Variants in AFG1L observed in about 807,000 individuals in gnomAD.
The protein encoded by AFG1L is AFG1-like ATPase.
A neutral mutation model predicts 62.2 loss-of-function variants in AFG1L; 53 were observed. That is an observed-to-expected ratio of 0.85 (90% CI 0.68 to 1.07). The LOEUF (loss-of-function observed/expected upper bound fraction) is 1.07. Ranked by LOEUF, AFG1L falls within the 50% of genes least tolerant of loss-of-function variation. AFG1L has a pLI of 0.00. For synonymous variants in AFG1L, 228 were observed against 210.3 expected (o/e 1.08, Z -0.73); for missense variants, 555 against 590.5 (o/e 0.94, Z 0.62).
intron 10 of AFG1L, among the ~76,000 whole-genome samples, chr6:108,487,645 A>AGGAT (rs1773622732): frequency 6.6e-6 from 1 of 152,248 alleles, no homozygotes; most frequent in Non-Finnish European, 1.5e-5. Context: ...GTTCAAAGTA[A>AGGAT]GGATGCTAAG....
chr6:108,322,149 C>G (rs1250859293), intron 1 of AFG1L, among the ~76,000 whole-genome samples: 1 of 152,194 alleles, frequency 6.6e-6, no homozygotes, highest in Non-Finnish European at 1.5e-5. Context: ...CTCAAGTGAT[C>G]TGCCTGTCTC....
At chr6:108,422,637 T>C (rs560383674) in intron 7 of AFG1L, among the ~76,000 whole-genome samples, 1 of 152,066 alleles carries the variant, frequency 6.6e-6, no homozygotes, top group East Asian at 1.9e-4. Context: ...TGATAAATGT[T>C]CAATCTCTTT....
chr6:108,487,411 C>A (rs1231355203), intron 10 of AFG1L, among the ~76,000 whole-genome samples: 2 of 152,198 alleles, frequency 1.3e-5, no homozygotes, highest in Admixed American at 6.5e-5. Context: ...TGCTGAGTTG[C>A]CTTAGGCAGA....
At chr6:108,494,557 A>T (rs757102400) in intron 10 of AFG1L, among the ~76,000 whole-genome samples, 2 of 151,982 alleles carry the variant, frequency 1.3e-5, no homozygotes, top group Admixed American at 6.6e-5. Context: ...AAATGGCAAA[A>T]CTTTCCCTCA....
intron 10 of AFG1L, among the ~76,000 whole-genome samples, chr6:108,481,035 G>T (rs1773305302): frequency 6.6e-6 from 1 of 152,178 alleles, no homozygotes; most frequent in Non-Finnish European, 1.5e-5. Flanking sequence ...CTCTTCTGAA[G>T]GCTGTACCTC....
intron 10 of AFG1L, among the ~76,000 whole-genome samples, chr6:108,485,877 G>T (rs1773554298): frequency 6.6e-6 from 1 of 150,476 alleles, no homozygotes; most frequent in African/African-American, 2.4e-5. Context: ...TTGCCGTGTT[G>T]CCCAGGCTGG....
At chr6:108,329,029 G>A (rs1383583451) in intron 2 of AFG1L, among the ~76,000 whole-genome samples, 1 of 152,078 alleles carries the variant, frequency 6.6e-6, no homozygotes, top group African/African-American at 2.4e-5. Flanking sequence ...AGTAGGTAGA[G>A]CAACATCTTT....
At chr6:108,369,328 A>G (rs986424897) in intron 6 of AFG1L, among the ~76,000 whole-genome samples, 1 of 152,186 alleles carries the variant, frequency 6.6e-6, no homozygotes, top group Non-Finnish European at 1.5e-5. Flanking sequence ...GTAGGCCAAA[A>G]AAGTTACATA....
At chr6:108,340,519 C>T (rs1336449063) in intron 2 of AFG1L, among the ~76,000 whole-genome samples, 1 of 152,060 alleles carries the variant, frequency 6.6e-6, no homozygotes, top group African/African-American at 2.4e-5. Context: ...CGTGTGCCAC[C>T]ACAGCCAGCT....
chr6:108,516,740 T>C (rs1412664882), intron 11 of AFG1L, among the ~76,000 whole-genome samples: 1 of 152,188 alleles, frequency 6.6e-6, no homozygotes, highest in African/African-American at 2.4e-5. Context: ...CATGATTGTA[T>C]ATCTAGAAAA....
At chr6:108,443,581 A>C (rs1771634599) in intron 7 of AFG1L, among the ~76,000 whole-genome samples, 1 of 152,180 alleles carries the variant, frequency 6.6e-6, no homozygotes, top group African/African-American at 2.4e-5. Context: ...AGGTTTGAAA[A>C]ATGCAGTTTT....
intron 1 of AFG1L, chr6:108,318,521 A>AT (rs778396126): frequency 2.2e-4 from 35 of 158,702 alleles, no homozygotes; most frequent in Non-Finnish European, 2.1e-4. Flanking sequence ...GAGGAAACTC[A>AT]TTTTTTCCCT....
At position 108,373,667 on chromosome 6, in the gene AFG1L, C is replaced by T. The variant is rs531787899; in HGVS notation, c.748+7335C>T. Among the ~76,000 whole-genome samples, 417 of 150,878 alleles carry T rather than the reference C, an allele frequency of 2.8e-3. 2 individuals carry two copies. Among genetic ancestry groups the T allele is most frequent in the South Asian group, 6.5e-3 (31 of 4,750 alleles). ...CAGTGACATGATCTCGGCTCTGCCT[C>T]CCAGGTTCAAGTGATTCTCCTGCGT... On this transcript the variant is annotated intron_variant, in intron 6 of 12. Coordinates refer to ENST00000368977, the MANE Select transcript of AFG1L (RefSeq NM_145315.5).
chr6:108,402,558 G>A (rs889589409), intron 7 of AFG1L, among the ~76,000 whole-genome samples: 2 of 149,462 alleles, frequency 1.3e-5, no homozygotes, highest in African/African-American at 2.5e-5. Context: ...CACTAAAGGA[G>A]AAAAGAATCT....
chr6:108,361,921 T>C (rs901989793), intron 5 of AFG1L, among the ~76,000 whole-genome samples: 2 of 152,242 alleles, frequency 1.3e-5, no homozygotes, highest in African/African-American at 4.8e-5. Flanking sequence ...TTATTGTTTA[T>C]CTGTATTCCC....
At chr6:108,334,821 G>T (rs572313522) in intron 2 of AFG1L, among the ~76,000 whole-genome samples, 1 of 152,124 alleles carries the variant, frequency 6.6e-6, no homozygotes, top group Non-Finnish European at 1.5e-5. Flanking sequence ...TTCTCTGCTG[G>T]CAATAAAAGT....
chr6:108,461,873 T>C (rs1297982068), intron 8 of AFG1L, among the ~76,000 whole-genome samples: 4 of 152,076 alleles, frequency 2.6e-5, no homozygotes, highest in African/African-American at 9.7e-5. Context: ...GGTGGGCGGA[T>C]CACGAGGGCA....
At position 108,477,312 on chromosome 6, in the gene AFG1L, C is replaced by A. The variant is rs987505069; in HGVS notation, c.1062+20C>A. On this transcript the variant is annotated intron_variant, in intron 10 of 12. Coordinates refer to ENST00000368977, the MANE Select transcript of AFG1L (RefSeq NM_145315.5). ...GAGAGAGTAAGTATCCAGGCACGTC[C>A]AGACTCACTGGCCTTTTCACATGTT... is the stretch of plus-strand genomic sequence containing the variant. 4.8e-6 allele frequency: 7 copies of A among 1,460,528 alleles called. No homozygotes were observed. Among genetic ancestry groups the A allele is most frequent in the Non-Finnish European group, 6.6e-6 (7 of 1,062,302 alleles). 90.5% of individuals were successfully genotyped at this position (1,460,528 alleles called of 1,614,324 possible).
intron 6 of AFG1L, among the ~76,000 whole-genome samples, chr6:108,400,520 C>T (rs1385435411): frequency 2.2e-5 from 3 of 139,324 alleles, no homozygotes; most frequent in Non-Finnish European, 4.6e-5. Context: ...CTTTTTAAAA[C>T]CTTGATATCA....
Sources: gnomAD v4.1 joint callset for allele counts (sites outside exome capture counted in the v4.1 genomes callset) on GRCh38, gnomAD v4.1.1 for gene constraint, MANE v1.5 for transcripts, NCBI Gene and HGNC (gene_info 2026-07-23, HGNC 2026-07-21) for gene names.